Variants in COL24A1 observed in about 807,000 individuals in gnomAD.
COL24A1 encodes the protein collagen alpha-1(XXIV) chain.
COL24A1 carries 224 observed loss-of-function variants against 253.9 expected under a neutral mutation model. The observed-to-expected ratio is 0.88, with a 90% confidence interval of 0.79 to 0.99. The LOEUF (loss-of-function observed/expected upper bound fraction) is 0.99. Among genes scored for constraint, COL24A1 ranks in the 50% least tolerant of loss-of-function variants. The pLI is 0.00. For missense variants in COL24A1, 2,131 were observed against 2,068.5 expected, an observed-to-expected ratio of 1.03 and a Z score of -0.59; for synonymous variants, 685 against 673.7, an observed-to-expected ratio of 1.02 and a Z score of -0.26.
At chr1:85,817,956 G>C in intron 46 of COL24A1, 78 bp downstream of exon 46, 1 of 1,136,714 alleles carries the variant, frequency 8.8e-7, no homozygotes, top group Non-Finnish European at 1.3e-6. Context: ...GACACAATTG[G>C]CCCCAAACTT....
chr1:85,854,490 A>G, intron 37 of COL24A1, among the ~76,000 whole-genome samples: 1 of 152,148 alleles, frequency 6.6e-6, no homozygotes, highest in East Asian at 1.9e-4. Context: ...GGCTTTTGCT[A>G]ATGCTGTGAA....
rs1243923547 is a variant in COL24A1 at position 85,800,920 on chromosome 1, T to TA, written c.3952-14460dup. 3.9e-5 allele frequency among the ~76,000 whole-genome samples: 6 copies of TA among 151,998 alleles called. No homozygotes were observed. The East Asian group carries it at 9.6e-4, about 24-fold the overall frequency. ...AACTCAAAAAGAGGGATTTTTAAATTAAAAAAATGGGATAAAGATGCTGAG... is the reference window on the plus strand; with the variant it reads ...AACTCAAAAAGAGGGATTTTTAAATTAAAAAAAATGGGATAAAGATGCTGAG... On this transcript the variant is annotated intron_variant, in intron 47 of 59. Transcript: ENST00000370571.
chr1:85,735,034 G>A (rs1019523676), intron 58 of COL24A1, 70 bp from the exon 59 acceptor site: 2 of 1,463,224 alleles, frequency 1.4e-6, no homozygotes, highest in Non-Finnish European at 1.9e-6. Flanking sequence ...AGGAAAACCT[G>A]AGGAAAAGTC....
At chr1:85,830,575 C>T (rs896200134) in intron 43 of COL24A1, among the ~76,000 whole-genome samples, 4 of 152,126 alleles carry the variant, frequency 2.6e-5, no homozygotes, top group Admixed American at 6.6e-5. Context: ...ATCAGCGAGA[C>T]TCCGTGGGCA....
chr1:85,848,024 G>A (rs72952543), intron 38 of COL24A1, among the ~76,000 whole-genome samples: 4,505 of 152,064 alleles, frequency 0.03, 217 homozygotes, highest in African/African-American at 0.1. Flanking sequence ...CCAAATAACC[G>A]TTTTTTACTT....
At chr1:85,803,123 A>G (rs957962747) in intron 47 of COL24A1, among the ~76,000 whole-genome samples, 1 of 152,210 alleles carries the variant, frequency 6.6e-6, no homozygotes, top group Non-Finnish European at 1.5e-5. Flanking sequence ...AAACATTTTT[A>G]GATACTACCA....
At chr1:86,060,121 C>T (rs10518360) in intron 8 of COL24A1, among the ~76,000 whole-genome samples, 13,764 of 152,042 alleles carry the variant, frequency 0.091, 735 homozygotes, top group Middle Eastern at 0.2. Context: ...TAGATGGAGA[C>T]CCAAAGGCTT....
chr1:86,013,918 G>T (rs575182203), intron 19 of COL24A1, among the ~76,000 whole-genome samples: 4 of 152,034 alleles, frequency 2.6e-5, no homozygotes, highest in African/African-American at 4.8e-5. Flanking sequence ...TTATTAGTCC[G>T]CAGTCACTCT....
intron 45 of COL24A1, among the ~76,000 whole-genome samples, 153 bp from the exon 46 acceptor site, chr1:85,818,240 A>C (rs887361437): frequency 6.6e-6 from 1 of 152,194 alleles, no homozygotes; most frequent in Non-Finnish European, 1.5e-5. Context: ...CCTGGGAGTC[A>C]GCTTCTTCAT....
intron 7 of COL24A1, among the ~76,000 whole-genome samples, chr1:86,066,949 C>T (rs1237892186): frequency 6.6e-6 from 1 of 151,958 alleles, no homozygotes; most frequent in African/African-American, 2.4e-5. Context: ...ACCAGCCTGG[C>T]CAACATGATG....
At chr1:85,944,361 G>A (rs563469791) in intron 24 of COL24A1, among the ~76,000 whole-genome samples, 3 of 152,214 alleles carry the variant, frequency 2.0e-5, no homozygotes, top group South Asian at 4.1e-4. Context: ...GCAAAAATAT[G>A]TATGTTATCA....
intron 7 of COL24A1, among the ~76,000 whole-genome samples, chr1:86,075,569 A>C (rs1014100985): frequency 1.3e-5 from 2 of 152,208 alleles, no homozygotes; most frequent in Admixed American, 6.5e-5. Context: ...CTGATACCAA[A>C]ACCTGGCAGA....
At chr1:86,123,065 C>G (rs1403743219) in intron 3 of COL24A1, among the ~76,000 whole-genome samples, 1 of 151,930 alleles carries the variant, frequency 6.6e-6, no homozygotes, top group African/African-American at 2.4e-5. Context: ...ACTCTTTGGG[C>G]TTCAGTTTCT....
intron 53 of COL24A1, among the ~76,000 whole-genome samples, chr1:85,763,497 T>C (rs1353011481): frequency 6.7e-6 from 1 of 149,104 alleles, no homozygotes; most frequent in Non-Finnish European, 1.5e-5. Flanking sequence ...ACTTTCTTTT[T>C]TTTTTTTTTT....
Position 85,929,803 on chromosome 1 carries a change from GGAAACT to G in COL24A1, c.2563-18376_2563-18371del, listed in dbSNP as rs1268423174. Among the ~76,000 whole-genome samples, 69 of 151,206 alleles carry G rather than the reference GGAAACT, an allele frequency of 4.6e-4. No homozygotes were observed. In the East Asian group the frequency reaches 8.0e-3, roughly 17 times the overall value. ...CTCAGTCAAAGCCGCTCAACTACAT[GGAAACT>G]GAACAACCTGTACCTGAATGACTAC... On this transcript the variant is annotated intron_variant, in intron 24 of 59. Transcript: ENST00000370571.
chr1:86,051,302 A>G (rs1042734361), intron 10 of COL24A1, among the ~76,000 whole-genome samples: 2 of 152,124 alleles, frequency 1.3e-5, no homozygotes, highest in African/African-American at 4.8e-5. Context: ...CAAATAAATA[A>G]CTGTAACATC....
intron 37 of COL24A1, among the ~76,000 whole-genome samples, chr1:85,853,677 T>C (rs1678077524): frequency 6.6e-6 from 1 of 152,236 alleles, no homozygotes; most frequent in Non-Finnish European, 1.5e-5. Flanking sequence ...TGGTATGAGA[T>C]GGTATCTCAT....
intron 5 of COL24A1, among the ~76,000 whole-genome samples, chr1:86,108,620 T>TAAAGAAAAAAAAAAAAAAAAAAAAA (rs1491169938): frequency 3.6e-5 from 3 of 83,102 alleles, no homozygotes; most frequent in African/African-American, 1.5e-4. Context: ...CCATCTCTAC[T>TAAAGAAAAAAAAAAAAAAAAAAAAA]AAAAAAAAAA....
intron 42 of COL24A1, among the ~76,000 whole-genome samples, chr1:85,838,997 C>T (rs1476797613): frequency 2.0e-5 from 3 of 151,550 alleles, no homozygotes; most frequent in Non-Finnish European, 2.9e-5. Flanking sequence ...CCCAGGAGTT[C>T]GAGACCAGCC....
Sources: gnomAD v4.1 joint callset for allele counts (sites outside exome capture counted in the v4.1 genomes callset) on GRCh38, gnomAD v4.1.1 for gene constraint, MANE v1.5 for transcripts, NCBI Gene and HGNC (gene_info 2026-07-23, HGNC 2026-07-21) for gene names.